Variants in LRTM1 observed in about 807,000 individuals in gnomAD.
LRTM1 encodes the protein leucine-rich repeat and transmembrane domain-containing protein 1.
Under a neutral mutation model 32.4 loss-of-function variants are expected in LRTM1, and 38 were observed. The observed-to-expected ratio is 1.17, with a 90% CI of 0.91 to 1.54. The LOEUF (loss-of-function observed/expected upper bound fraction) is 1.54, where lower values mean the gene tolerates loss of function less well. Among genes scored for constraint, LRTM1 ranks in the 40% most tolerant of loss-of-function variants. LRTM1 has a pLI of 0.00. For synonymous variants in LRTM1, 186 were observed against 169.9 expected (o/e 1.09, Z -0.74); for missense variants, 466 against 415.4 (o/e 1.12, Z -1.06).
intron 1 of LRTM1, among the ~76,000 whole-genome samples, chr3:54,953,275 A>G (rs544553648): frequency 1.3e-5 from 2 of 152,352 alleles, no homozygotes; most frequent in South Asian, 4.1e-4. Flanking sequence ...GGCATGCTGC[A>G]TGTACATGAA....
upstream of LRTM1, chr3:54,928,203 T>G (rs1426079335): frequency 2.3e-6 from 1 of 441,498 alleles, no homozygotes; most frequent in Non-Finnish European, 4.0e-6. Flanking sequence ...ATCCCTGCCT[T>G]TCCCATTCAG....
intron 2 of LRTM1, 81 bp from the exon 3 acceptor site, chr3:54,918,973 G>C (rs1169260656): frequency 3.5e-5 from 42 of 1,203,398 alleles, no homozygotes; most frequent in Non-Finnish European, 4.4e-5. Flanking sequence ...AAAAACTTAG[G>C]CAGATGGAAT....
intron 1 of LRTM1, among the ~76,000 whole-genome samples, chr3:54,934,456 CT>C (rs2106964772): frequency 6.6e-6 from 1 of 152,222 alleles, no homozygotes; most frequent in Admixed American, 6.5e-5. Flanking sequence ...CAAGGAATGC[CT>C]AGGATTATTC....
At chr3:54,933,972 T>C (rs1010308113) in intron 1 of LRTM1, among the ~76,000 whole-genome samples, 6 of 152,148 alleles carry the variant, frequency 3.9e-5, no homozygotes, top group Non-Finnish European at 7.4e-5. Context: ...GGTTTCGTCA[T>C]GTTGGTCAGG....
chr3:54,959,385 C>G (rs1013464681), intron 1 of LRTM1, among the ~76,000 whole-genome samples: 1 of 152,170 alleles, frequency 6.6e-6, no homozygotes, highest in South Asian at 2.1e-4. Flanking sequence ...TAACATGAAC[C>G]TGACAGTCAG....
intron 1 of LRTM1, among the ~76,000 whole-genome samples, chr3:54,955,471 A>T (rs894148958): frequency 6.6e-6 from 1 of 152,170 alleles, no homozygotes; most frequent in Non-Finnish European, 1.5e-5. Context: ...GAAAAAAGAA[A>T]AAAAAGCTCT....
intron 1 of LRTM1, among the ~76,000 whole-genome samples, chr3:54,944,781 T>C (rs911599283): frequency 2.6e-5 from 4 of 152,100 alleles, no homozygotes; most frequent in Admixed American, 2.0e-4. Flanking sequence ...ACTTCTTTTA[T>C]CTCTGAATAT....
Position 54,939,000 on chromosome 3 carries a change from C to T in LRTM1, c.-221-13785G>A, listed in dbSNP as rs145014835. ...TCTGAAAAGGGTAGCACACGTTAGA[C>T]AGCAAACTGGGACCAAGAGGAAACT... On this transcript the variant is annotated intron_variant, in intron 1 of 2. Transcript: ENST00000493075. 2.3e-3 allele frequency among the ~76,000 whole-genome samples: 347 copies of T among 152,278 alleles called. 1 individual carries two copies. The highest frequency in any genetic ancestry group is 7.8e-3 in the African/African-American group (326 of 41,568).
At chr3:54,919,435 A>G (rs1472811036) in intron 2 of LRTM1, among the ~76,000 whole-genome samples, 3 of 152,238 alleles carry the variant, frequency 2.0e-5, no homozygotes, top group Non-Finnish European at 4.4e-5. Context: ...TGTGGATTTG[A>G]CAATACTGGA....
At chr3:54,954,862 CAG>C (rs1701842964) in intron 1 of LRTM1, among the ~76,000 whole-genome samples, 2 of 152,326 alleles carry the variant, frequency 1.3e-5, no homozygotes, top group South Asian at 4.1e-4. Flanking sequence ...AACTGGGTTT[CAG>C]AGTTATTTCT....
chr3:54,921,077 G>A (rs1341198134), intron 2 of LRTM1, among the ~76,000 whole-genome samples: 1 of 152,180 alleles, frequency 6.6e-6, no homozygotes, highest in Non-Finnish European at 1.5e-5. Context: ...CGTCAAATCT[G>A]CTGATTACAG....
intron 1 of LRTM1, among the ~76,000 whole-genome samples, chr3:54,927,576 G>T (rs999494316): frequency 6.6e-6 from 1 of 152,104 alleles, no homozygotes; most frequent in African/African-American, 2.4e-5. Flanking sequence ...TGAGATTGTA[G>T]CCAATTTGTT....
chr3:54,927,881 C>A, intron 1 of LRTM1, 24 bp downstream of exon 1: 1 of 1,613,422 alleles, frequency 6.2e-7, no homozygotes, highest in Non-Finnish European at 8.5e-7. Context: ...AGAACTTTTC[C>A]AACGGGAATT....
At position 54,924,968 on chromosome 3, in the gene LRTM1, GGAATT is replaced by G. The variant is rs755834477; in HGVS notation, c.250_254del (p.Asn84ProfsTer43). The G allele has an allele frequency of 1.2e-6, 2 of 1,611,160 alleles. No homozygotes were observed. Among genetic ancestry groups the G allele is most frequent in the Non-Finnish European group, 1.7e-6 (2 of 1,177,408 alleles). On this transcript the variant is annotated frameshift_variant, in exon 2 of 3. Coordinates refer to ENST00000273286, the MANE Select transcript of LRTM1 (RefSeq NM_020678.4). LOFTEE classifies it high-confidence loss of function. Reference sequence around the variant, plus strand: ...AAGCTCCAGGGGCCAGATTTGAAAGGGAATTGTTGGACAAGTTTAAGGTCATGAGC... The same window carrying G: ...AAGCTCCAGGGGCCAGATTTGAAAGGGTTGGACAAGTTTAAGGTCATGAGC...
rs1700981264 is a variant in LRTM1, at chr3:54,925,226, CAGAAAG to C, written c.8-17_8-12del. The C allele has an allele frequency of 6.2e-7, 1 of 1,601,076 alleles. No homozygotes were observed. Among genetic ancestry groups the C allele is most frequent in the Non-Finnish European group, 8.5e-7 (1 of 1,170,546 alleles). On this transcript the variant is annotated splice_polypyrimidine_tract_variant and intron_variant, in intron 1 of 2. Coordinates refer to ENST00000273286, the MANE Select transcript of LRTM1 (RefSeq NM_020678.4). ...ACAGGAGCAGTTCACCTACAACAAACAGAAAGAAATTGGGATAGGAACCAGTTTGTG... is the reference window on the plus strand; with the variant it reads ...ACAGGAGCAGTTCACCTACAACAAACAAATTGGGATAGGAACCAGTTTGTG...
intron 1 of LRTM1, among the ~76,000 whole-genome samples, chr3:54,951,397 A>T (rs1050478558): frequency 6.6e-6 from 1 of 152,208 alleles, no homozygotes; most frequent in Non-Finnish European, 1.5e-5. Context: ...TTGTATTTGG[A>T]CATAAAACAG....
chr3:54,959,058 G>A (rs561759150), intron 1 of LRTM1, among the ~76,000 whole-genome samples: 118 of 152,276 alleles, frequency 7.7e-4, no homozygotes, highest in Middle Eastern at 6.8e-3. Context: ...CCATGATCGC[G>A]CCACTGCACT....
chr3:54,939,691 C>G (rs1213601132), intron 1 of LRTM1, among the ~76,000 whole-genome samples: 1 of 152,234 alleles, frequency 6.6e-6, no homozygotes, highest in East Asian at 1.9e-4. Flanking sequence ...ATGGCTGTTT[C>G]CCTATTCAGA....
upstream of LRTM1, among the ~76,000 whole-genome samples, chr3:54,932,440 AAG>A (rs1291537366): frequency 6.6e-6 from 1 of 152,152 alleles, no homozygotes; most frequent in African/African-American, 2.4e-5. Flanking sequence ...ACTAAAGAAA[AAG>A]AGGGGAAAAT....
Sources: gnomAD v4.1 joint callset for allele counts (sites outside exome capture counted in the v4.1 genomes callset) on GRCh38, gnomAD v4.1.1 for gene constraint, MANE v1.5 for transcripts, NCBI Gene and HGNC (gene_info 2026-07-23, HGNC 2026-07-21) for gene names.